Variants in ZC3H3 observed in about 807,000 individuals in gnomAD.
ZC3H3 encodes zinc finger CCCH-type containing 3.
A neutral mutation model predicts 77.3 loss-of-function variants in ZC3H3; 36 were observed. The ratio of observed to expected loss-of-function variants is 0.47; its 90% CI spans 0.36 to 0.61. The LOEUF (loss-of-function observed/expected upper bound fraction) is 0.61. Among genes scored for constraint, ZC3H3 ranks in the 20% least tolerant of loss-of-function variants. The pLI is 0.00. For synonymous variants in ZC3H3, 626 were observed against 555.2 expected, an observed-to-expected ratio of 1.13 and a Z score of -1.79; for missense variants, 1,331 against 1,312.2, an observed-to-expected ratio of 1.01 and a Z score of -0.22.
At chr8:143,464,721 A>G (rs1201475221) in intron 9 of ZC3H3, among the ~76,000 whole-genome samples, 3 of 152,136 alleles carry the variant, frequency 2.0e-5, no homozygotes, top group South Asian at 4.1e-4. Context: ...CAGCGCCAAC[A>G]CAAGTGTGAG....
At chr8:143,495,997 G>A (rs772794223) in intron 4 of ZC3H3, among the ~76,000 whole-genome samples, 2 of 152,152 alleles carry the variant, frequency 1.3e-5, no homozygotes, top group Non-Finnish European at 2.9e-5. Context: ...TGGACCTCTA[G>A]TTAGTGGCCC....
Position 143,440,161 on chromosome 8 carries a change from C to T in ZC3H3, c.2695G>A (p.Ala899Thr). 2 of 1,612,056 alleles carry T rather than the reference C, an allele frequency of 1.2e-6. No homozygotes were observed. Among genetic ancestry groups the T allele is most frequent in the Non-Finnish European group, 1.7e-6 (2 of 1,179,740 alleles). ...CAGAGCCTGTTGGAGCACGCTGCTG[C>T]TAAGGCAGCCTCCTGGAGAGATGGT... ...EAPSLQEAAL[A>T]AACSNRLCKL... The change falls in exon 11 of 12, where the codon GCA becomes ACA. Residue 899 changes from alanine (A) to threonine (T), a missense_variant. Physicochemically the swap from Ala to Thr is moderately conservative, Grantham distance 58 (BLOSUM62 0). This residue lies in a region of ZC3H3 where 249 missense variants were observed against 236.9 expected (regional missense o/e 1.05). Coordinates refer to ENST00000262577, the MANE Select transcript of ZC3H3 (RefSeq NM_015117.3).
rs142965748 is a variant in ZC3H3, at chr8:143,507,762, G to A, written c.1699C>T (p.Arg567Trp). The A allele has an allele frequency of 3.0e-5, 47 of 1,583,188 alleles. No homozygotes were observed. The African/African-American group carries it at 4.4e-4, about 15-fold the overall frequency. ...CCTTCCTACCTGGATAGTGAGAGCC[G>A]CCGGGCCCGCCAGGAGGGCAGAGAC... ...PLSLPSWRARRLSLSRSLVLN... is the reference protein window; with the variant it reads ...PLSLPSWRARWLSLSRSLVLN... Residue 567 changes from arginine to tryptophan, a missense_variant, in exon 4 of 12, where the codon CGG becomes TGG. Around this residue, in one of 3 missense-constraint regions of ZC3H3, gnomAD observed 978 missense variants for 915.5 expected, o/e 1.07. Coordinates refer to ENST00000262577, the MANE Select transcript of ZC3H3 (RefSeq NM_015117.3).
At chr8:143,442,392 T>C (rs1402445641) in intron 9 of ZC3H3, among the ~76,000 whole-genome samples, 1 of 22,858 alleles carries the variant, frequency 4.4e-5, no homozygotes, top group African/African-American at 1.8e-4. Flanking sequence ...AGAGCAGGCT[T>C]CAGGGGCCGG....
intron 3 of ZC3H3, among the ~76,000 whole-genome samples, chr8:143,535,441 G>A (rs191584595): frequency 3.3e-5 from 5 of 152,228 alleles, no homozygotes; most frequent in East Asian, 3.9e-4. Context: ...ACACGAGCTC[G>A]GGAAGTCACT....
chr8:143,498,736 G>C (rs1821427701), intron 4 of ZC3H3, among the ~76,000 whole-genome samples: 1 of 147,164 alleles, frequency 6.8e-6, no homozygotes, highest in South Asian at 2.2e-4. Context: ...GAGGGGCACA[G>C]GGCGGGGCGG....
intron 4 of ZC3H3, among the ~76,000 whole-genome samples, chr8:143,476,819 C>CA (rs1384234780): frequency 6.6e-6 from 1 of 152,266 alleles, no homozygotes; most frequent in African/African-American, 2.4e-5. Flanking sequence ...CATGGCCCTG[C>CA]AGCTACACAG....
chr8:143,475,507 G>T lies in ZC3H3; in HGVS notation c.1794C>A (p.Ser598Arg). 1 of 1,612,664 alleles carries T rather than the reference G, an allele frequency of 6.2e-7. No homozygotes were observed. Among genetic ancestry groups the T allele is most frequent in the South Asian group, 1.1e-5 (1 of 90,956 alleles). Residue 598 changes from serine to arginine, a missense_variant, in exon 5 of 12, where the codon AGC becomes AGA. Ser to Arg is a moderately radical substitution (Grantham distance 110, BLOSUM62 -1). This residue lies in a region of ZC3H3 where 978 missense variants were observed against 915.5 expected (regional missense o/e 1.07). Coordinates refer to ENST00000262577, the MANE Select transcript of ZC3H3 (RefSeq NM_015117.3). ...KAQPGSPWWR[S>R]KGYRCIGGVL... ...CCCCTCCGATGCAGCGGTAGCCTTT[G>T]CTCCGCCACCAAGGGGAGCCCGGTT...
chr8:143,448,943 T>C (rs1193275570), intron 9 of ZC3H3, among the ~76,000 whole-genome samples: 1 of 152,230 alleles, frequency 6.6e-6, no homozygotes, highest in Non-Finnish European at 1.5e-5. Flanking sequence ...TACCACTACG[T>C]AGAAGCTTCC....
intron 3 of ZC3H3, among the ~76,000 whole-genome samples, chr8:143,529,997 T>C (rs1822549689): frequency 6.6e-6 from 1 of 152,190 alleles, no homozygotes; most frequent in South Asian, 2.1e-4. Flanking sequence ...ACTTCTCATC[T>C]GCAAATGCTG....
At chr8:143,497,217 C>T (rs1821376949) in intron 4 of ZC3H3, among the ~76,000 whole-genome samples, 1 of 152,102 alleles carries the variant, frequency 6.6e-6, no homozygotes, top group African/African-American at 2.4e-5. Flanking sequence ...AGGAGAGAGC[C>T]CAGGAGCCAC....
At chr8:143,526,368 G>A (rs1354103430) in intron 3 of ZC3H3, among the ~76,000 whole-genome samples, 1 of 152,238 alleles carries the variant, frequency 6.6e-6, no homozygotes, top group East Asian at 1.9e-4. Flanking sequence ...AGGTGCCTGC[G>A]GGCAGGAGAC....
Position 143,441,062 on chromosome 8 carries a change from CG to C in ZC3H3, c.2365del (p.Arg789AlafsTer110). On this transcript the variant is annotated frameshift_variant, in exon 10 of 12. Transcript: ENST00000262577. LOFTEE classifies it high-confidence loss of function. ...GTGGAGCAGCTGGCACTGGGCGCCG[CG>C]GGGACACGCCCCCCTGCGGGCAAAG... ...PDFARRGACP[R>X]GAQCQLLHRT... 2 of 1,475,044 alleles carry C rather than the reference CG, an allele frequency of 1.4e-6. No individual in the cohort carries two copies. The highest frequency in any genetic ancestry group is 1.4e-5 in the South Asian group (1 of 71,680). The allele number at this position is 1,475,044 out of a possible 1,614,324, so 91.4% of individuals were successfully genotyped here.
intron 4 of ZC3H3, among the ~76,000 whole-genome samples, chr8:143,499,200 T>A (rs1821451015): frequency 6.6e-6 from 1 of 152,096 alleles, no homozygotes; most frequent in Non-Finnish European, 1.5e-5. Flanking sequence ...GAGCAGAGGC[T>A]CACTCCTGGC....
At chr8:143,477,635 T>G (rs1029349838) in intron 4 of ZC3H3, among the ~76,000 whole-genome samples, 1 of 152,132 alleles carries the variant, frequency 6.6e-6, no homozygotes, top group Non-Finnish European at 1.5e-5. Context: ...GCCTCTCAGT[T>G]GGAGAACCCC....
chr8:143,439,176 C>T (rs948952541), intron 11 of ZC3H3, among the ~76,000 whole-genome samples: 4 of 152,036 alleles, frequency 2.6e-5, no homozygotes, highest in African/African-American at 9.7e-5. Flanking sequence ...GAGGCCCACC[C>T]AGATGGAGGG....
At chr8:143,499,650 G>T (rs985275399) in intron 4 of ZC3H3, among the ~76,000 whole-genome samples, 2 of 151,862 alleles carry the variant, frequency 1.3e-5, no homozygotes, top group South Asian at 2.1e-4. Context: ...AGCATTCAGG[G>T]CCTCTCCAGG....
intron 4 of ZC3H3, chr8:143,484,591 C>T (rs1385041339): frequency 6.4e-6 from 1 of 157,166 alleles, no homozygotes; most frequent in Non-Finnish European, 1.4e-5. Context: ...AGTGGGACTT[C>T]ATGGCCCCGG....
intron 9 of ZC3H3, among the ~76,000 whole-genome samples, chr8:143,446,488 A>G (rs1819865715): frequency 6.6e-6 from 1 of 152,190 alleles, no homozygotes; most frequent in South Asian, 2.1e-4. Flanking sequence ...CAAACAACCC[A>G]AAAGAAAAAC....
Sources: allele counts gnomAD v4.1 joint callset (sites outside exome capture counted in the v4.1 genomes callset), GRCh38; gene constraint gnomAD v4.1.1; regional missense constraint gnomAD v4.1.1; transcripts MANE v1.5; gene names NCBI Gene and HGNC (gene_info 2026-07-23, HGNC 2026-07-21).